CRYL1: variants seen among roughly 807,000 people sequenced by gnomAD.
CRYL1 encodes crystallin lambda 1.
A neutral mutation model predicts 36.6 loss-of-function variants in CRYL1; 29 were observed. That is an observed-to-expected ratio of 0.79 (90% CI 0.59 to 1.08). The LOEUF (loss-of-function observed/expected upper bound fraction) is 1.08, where lower values mean the gene tolerates loss of function less well. Among genes scored for constraint, CRYL1 ranks in the 50% least tolerant of loss-of-function variants. CRYL1 has a pLI of 0.00. For missense variants in CRYL1, 411 were observed against 407.9 expected, an observed-to-expected ratio of 1.01 and a Z score of -0.06; for synonymous variants, 152 against 151.5, an observed-to-expected ratio of 1.00 and a Z score of -0.02.
At chr13:20,484,692 A>G (rs1593478035) in intron 3 of CRYL1, among the ~76,000 whole-genome samples, 1 of 152,176 alleles carries the variant, frequency 6.6e-6, no homozygotes. Flanking sequence ...AGTTTTAAAT[A>G]AAAACCATGA....
Position 20,432,272 on chromosome 13 carries a change from G to A in CRYL1, c.463C>T (p.Leu155=), listed in dbSNP as rs1015884663. The change falls in exon 5 of 8, where the codon CTG becomes TTG. Residue 155 remains leucine (L), a synonymous_variant. Transcript: ENST00000298248. ...HPVNPPYYIP[L]VELVPHPETA... ...TCCGGGTGGGGGACCAGCTCAACCA[G>A]CGGGATGTAGTATGGCGGATTCACC... 1 of 1,613,112 alleles carries A rather than the reference G, an allele frequency of 6.2e-7. No homozygotes were observed. The highest frequency in any genetic ancestry group is 1.1e-5 in the South Asian group (1 of 91,044).
At chr13:20,421,073 A>T (rs966624276) in intron 5 of CRYL1, among the ~76,000 whole-genome samples, 1 of 152,078 alleles carries the variant, frequency 6.6e-6, no homozygotes, top group African/African-American at 2.4e-5. Context: ...AACAAAAAAA[A>T]AAATGGAAAG....
chr13:20,413,447 C>T, intron 5 of CRYL1, 60 bp from the exon 6 acceptor site: 3 of 1,026,982 alleles, frequency 2.9e-6, no homozygotes, highest in East Asian at 2.4e-5. Context: ...TCATGACCAC[C>T]ACTTCCATCC....
At chr13:20,431,707 G>C (rs1167039834) in intron 5 of CRYL1, 1 of 1,146,636 alleles carries the variant, frequency 8.7e-7, no homozygotes, top group African/African-American at 1.6e-5. Context: ...TCCTTCAGGA[G>C]ACAGAAGTTT....
chr13:20,428,559 G>A (rs2031984600), intron 5 of CRYL1, among the ~76,000 whole-genome samples: 1 of 152,184 alleles, frequency 6.6e-6, no homozygotes, highest in Non-Finnish European at 1.5e-5. Context: ...TGTGAGGCTG[G>A]TTGAACATGC....
At chr13:20,494,353 G>T (rs2033567562) in intron 2 of CRYL1, among the ~76,000 whole-genome samples, 1 of 152,122 alleles carries the variant, frequency 6.6e-6, no homozygotes, top group Admixed American at 6.5e-5. Flanking sequence ...AATGTAGAAA[G>T]AATAATAAAC....
At chr13:20,437,463 T>A (rs1278456428) in intron 4 of CRYL1, among the ~76,000 whole-genome samples, 1 of 151,998 alleles carries the variant, frequency 6.6e-6, no homozygotes, top group Non-Finnish European at 1.5e-5. Context: ...GACCGCCACC[T>A]CACCTGGCTA....
intron 3 of CRYL1, among the ~76,000 whole-genome samples, chr13:20,463,578 A>T (rs1304226912): frequency 6.6e-6 from 1 of 152,150 alleles, no homozygotes; most frequent in Middle Eastern, 3.2e-3. Flanking sequence ...TATTGGAGAG[A>T]CTTCTCAAAG....
At chr13:20,502,668 C>A (rs1005559252) in intron 2 of CRYL1, among the ~76,000 whole-genome samples, 1 of 151,958 alleles carries the variant, frequency 6.6e-6, no homozygotes, top group Non-Finnish European at 1.5e-5. Context: ...AAAAAAAGGT[C>A]TCCTCCCCTC....
chr13:20,460,616 C>T (rs1053374056), intron 3 of CRYL1, among the ~76,000 whole-genome samples: 2 of 146,970 alleles, frequency 1.4e-5, no homozygotes, highest in African/African-American at 2.5e-5. Flanking sequence ...AGCTCCGCCA[C>T]CCGGGTTCAC....
intron 3 of CRYL1, among the ~76,000 whole-genome samples, chr13:20,471,449 C>T (rs1174139460): frequency 4.6e-5 from 7 of 151,774 alleles, no homozygotes; most frequent in East Asian, 1.9e-4. Context: ...ACTAAAAATA[C>T]GAAAAATTAG....
At chr13:20,416,623 G>A (rs1460130811) in intron 5 of CRYL1, among the ~76,000 whole-genome samples, 4 of 152,220 alleles carry the variant, frequency 2.6e-5, no homozygotes, top group Non-Finnish European at 5.9e-5. Flanking sequence ...TATTCAAACT[G>A]GGAAGTATGC....
At chr13:20,509,071 G>A (rs909117086) in intron 2 of CRYL1, among the ~76,000 whole-genome samples, 5 of 151,544 alleles carry the variant, frequency 3.3e-5, no homozygotes, top group African/African-American at 9.7e-5. Context: ...GCTTGTGCCT[G>A]TAATCTCAGC....
chr13:20,410,745 C>G (rs2031498295), intron 6 of CRYL1, among the ~76,000 whole-genome samples: 1 of 152,202 alleles, frequency 6.6e-6, no homozygotes, highest in Non-Finnish European at 1.5e-5. Flanking sequence ...CTAAGAGCTT[C>G]CATCTGGTTC....
chr13:20,408,655 G>T (rs1213833600), intron 6 of CRYL1, among the ~76,000 whole-genome samples: 1 of 152,172 alleles, frequency 6.6e-6, no homozygotes, highest in Non-Finnish European at 1.5e-5. Context: ...CTTTGCTGAA[G>T]TTGCTTATCA....
At chr13:20,420,595 T>G (rs184047142) in intron 5 of CRYL1, among the ~76,000 whole-genome samples, 1 of 151,450 alleles carries the variant, frequency 6.6e-6, no homozygotes, top group Admixed American at 6.6e-5. Flanking sequence ...GAGTAGCATG[T>G]TCATAATAGA....
At chr13:20,515,385 C>T (rs560422148) in intron 1 of CRYL1, among the ~76,000 whole-genome samples, 4 of 152,080 alleles carry the variant, frequency 2.6e-5, no homozygotes, top group South Asian at 2.1e-4. Flanking sequence ...ACAACCAACT[C>T]GTGCCGTAAA....
chr13:20,471,190 T>C (rs7332195), intron 3 of CRYL1, among the ~76,000 whole-genome samples: 6,480 of 152,222 alleles, frequency 0.043, 306 homozygotes, highest in Admixed American at 0.15. Context: ...GAAGTGGCTA[T>C]GGGATTATGA....
intron 3 of CRYL1, among the ~76,000 whole-genome samples, chr13:20,480,613 T>C (rs2033256460): frequency 6.6e-6 from 1 of 152,214 alleles, no homozygotes; most frequent in Non-Finnish European, 1.5e-5. Context: ...TGGAGTACTT[T>C]CCTAATGCTC....
Sources: gnomAD v4.1 joint callset for allele counts (sites outside exome capture counted in the v4.1 genomes callset) on GRCh38, gnomAD v4.1.1 for gene constraint, MANE v1.5 for transcripts, NCBI Gene and HGNC (gene_info 2026-07-23, HGNC 2026-07-21) for gene names.